Variants in CPE observed in about 807,000 individuals in gnomAD.
CPE encodes the protein carboxypeptidase E.
Under a neutral mutation model 53.5 loss-of-function variants are expected in CPE, and 17 were observed. The ratio of observed to expected loss-of-function variants is 0.32; its 90% CI spans 0.22 to 0.48. The LOEUF (loss-of-function observed/expected upper bound fraction) is 0.48. Ranked by LOEUF, CPE falls within the 20% of genes least tolerant of loss-of-function variation. The pLI is 0.99. For missense variants in CPE, 524 were observed against 614.7 expected (o/e 0.85, Z 1.56); for synonymous variants, 226 against 228.8 (o/e 0.99, Z 0.11).
intron 1 of CPE, among the ~76,000 whole-genome samples, chr4:165,383,933 G>A (rs969179452): frequency 1.3e-5 from 2 of 152,212 alleles, no homozygotes; most frequent in Non-Finnish European, 2.9e-5. Context: ...CAGAAGTGAT[G>A]TTCTTGATTG....
chr4:165,434,847 G>A (rs917539555), intron 1 of CPE, among the ~76,000 whole-genome samples: 4 of 152,006 alleles, frequency 2.6e-5, no homozygotes, highest in African/African-American at 9.7e-5. Flanking sequence ...CCTAATGGGA[G>A]GTGTTTATGT....
intron 4 of CPE, among the ~76,000 whole-genome samples, chr4:165,483,844 T>C (rs1287615053): frequency 2.0e-5 from 3 of 152,240 alleles, no homozygotes; most frequent in Non-Finnish European, 4.4e-5. Flanking sequence ...TATTGGAAAC[T>C]GAGTGTTGAA....
At chr4:165,479,744 C>G (rs1370738153) in intron 3 of CPE, among the ~76,000 whole-genome samples, 1 of 151,942 alleles carries the variant, frequency 6.6e-6, no homozygotes, top group Non-Finnish European at 1.5e-5. Context: ...TTTCTCCCAG[C>G]ACTTTGGGAG....
intron 1 of CPE, among the ~76,000 whole-genome samples, chr4:165,401,910 C>T (rs771304560): frequency 1.2e-4 from 18 of 151,734 alleles, no homozygotes; most frequent in Admixed American, 3.3e-4. Flanking sequence ...AAGTAGGGGT[C>T]GGGAGGCTGG....
At chr4:165,442,011 G>A (rs1731618653) in intron 1 of CPE, among the ~76,000 whole-genome samples, 1 of 146,788 alleles carries the variant, frequency 6.8e-6, no homozygotes, top group Non-Finnish European at 1.5e-5. Context: ...CCTACAGCAA[G>A]ACGGTGAGTT....
chr4:165,401,313 T>C lies in CPE; in HGVS notation c.307+21785T>C, dbSNP rs867418394. On this transcript the variant is annotated intron_variant, in intron 1 of 8. Transcript: ENST00000402744. ...TAACTAGAAGCCGGTGAAGGAAAAA[T>C]ATAACCCTTGTTTCTCCCCAGTGAG... Among the ~76,000 whole-genome samples the C allele has an allele frequency of 2.0e-5, 3 of 152,172 alleles. No individual in the cohort carries two copies. The South Asian group carries it at 6.2e-4, about 32-fold the overall frequency.
chr4:165,430,197 C>T (rs1731385682), intron 1 of CPE, among the ~76,000 whole-genome samples: 1 of 152,064 alleles, frequency 6.6e-6, no homozygotes, highest in Non-Finnish European at 1.5e-5. Context: ...TTGTAAGTAA[C>T]CATACGTAGC....
chr4:165,379,651 T>C lies in CPE; in HGVS notation c.307+123T>C, dbSNP rs1014215384. On this transcript the variant is annotated intron_variant, in intron 1 of 8. Coordinates refer to ENST00000402744, the MANE Select transcript of CPE (RefSeq NM_001873.4). This position sits in a 1 kb window ranked among gnomAD's most constrained non-coding sequence, Gnocchi z 6.0. ...CAGGGGTGCCTCTTGGTAAAAGGTA[T>C]CTAAGGTGGAAGGTGGGAAGTGGAG... The C allele has an allele frequency of 2.0e-6, 2 of 983,728 alleles. No homozygotes were observed. The highest frequency in any genetic ancestry group is 3.3e-5 in the African/African-American group (2 of 60,072). 60.9% of individuals were successfully genotyped at this position (983,728 alleles called of 1,614,324 possible).
intron 3 of CPE, among the ~76,000 whole-genome samples, chr4:165,469,401 C>T: frequency 6.6e-6 from 1 of 152,252 alleles, no homozygotes; most frequent in South Asian, 2.1e-4. Flanking sequence ...AGCTCTTGGC[C>T]CCTGGAAGCT....
chr4:165,484,653 A>G (rs748677998), intron 5 of CPE, 49 bp downstream of exon 5: 1 of 1,535,582 alleles, frequency 6.5e-7, no homozygotes, highest in East Asian at 2.3e-5. Flanking sequence ...CTTATTTACA[A>G]TGACCATTTA....
At chr4:165,383,745 T>C (rs562072607) in intron 1 of CPE, among the ~76,000 whole-genome samples, 33 of 152,344 alleles carry the variant, frequency 2.2e-4, no homozygotes, top group Non-Finnish European at 4.3e-4. Flanking sequence ...GTGGGGATTT[T>C]TATTATTTGT....
At chr4:165,396,935 C>T (rs1172858603) in intron 1 of CPE, among the ~76,000 whole-genome samples, 1 of 151,702 alleles carries the variant, frequency 6.6e-6, no homozygotes, top group Non-Finnish European at 1.5e-5. Context: ...GTGGTATGCT[C>T]CTGTAGTCCC....
chr4:165,429,156 CTCAGCTGGA>C (rs1731368606), intron 1 of CPE, among the ~76,000 whole-genome samples: 1 of 152,098 alleles, frequency 6.6e-6, no homozygotes, highest in Admixed American at 6.5e-5. Flanking sequence ...TTGGGTTGGG[CTCAGCTGGA>C]AAGTTCTTCA....
intron 1 of CPE, among the ~76,000 whole-genome samples, chr4:165,461,627 T>C (rs1395713745): frequency 6.6e-6 from 1 of 152,194 alleles, no homozygotes; most frequent in Non-Finnish European, 1.5e-5. Context: ...CCAACATTCC[T>C]TCACCGTTGC....
At chr4:165,397,741 T>G (rs2126659178) in intron 1 of CPE, among the ~76,000 whole-genome samples, 1 of 152,204 alleles carries the variant, frequency 6.6e-6, no homozygotes. Flanking sequence ...AATGGAGCTG[T>G]ATTAAAAACA....
chr4:165,493,257 C>G lies in CPE; in HGVS notation c.1200C>G (p.His400Gln). 6.2e-7 allele frequency: 1 copy of G among 1,613,458 alleles called. No homozygotes were observed. Among genetic ancestry groups the G allele is most frequent in the Non-Finnish European group, 8.5e-7 (1 of 1,179,460 alleles). The part of the protein sequence containing the change: ...NATISVEGID[H>Q]DVTSAKDGDY... ...CCATCTCCGTGGAAGGAATAGACCACGATGTTACATCCGGTGGGTCTTTGC... is the reference window on the plus strand; with the variant it reads ...CCATCTCCGTGGAAGGAATAGACCAGGATGTTACATCCGGTGGGTCTTTGC... Residue 400 changes from histidine to glutamine, a missense_variant, in exon 7 of 9, where the codon CAC (histidine) becomes CAG (glutamine). His to Gln is a conservative substitution (Grantham distance 24, BLOSUM62 0). Coordinates refer to ENST00000402744, the MANE Select transcript of CPE (RefSeq NM_001873.4).
intron 1 of CPE, chr4:165,403,970 C>T (rs1457034036): frequency 6.7e-5 from 42 of 627,818 alleles, no homozygotes; most frequent in Admixed American, 1.9e-4. Flanking sequence ...TCTTCCTTCT[C>T]GTTACTCTGA....
At chr4:165,467,970 TA>T in intron 3 of CPE, 115 bp downstream of exon 3, 1 of 1,177,530 alleles carries the variant, frequency 8.5e-7, no homozygotes, top group Non-Finnish European at 1.2e-6. Context: ...ATGGGGTGGT[TA>T]ACTGTGGCTT....
intron 1 of CPE, among the ~76,000 whole-genome samples, chr4:165,430,940 G>A (rs1441646391): frequency 1.3e-5 from 2 of 152,206 alleles, no homozygotes; most frequent in Admixed American, 6.5e-5. Context: ...GAGAAGCTCT[G>A]ACCTCGGTGG....
Sources: allele counts gnomAD v4.1 joint callset (sites outside exome capture counted in the v4.1 genomes callset), GRCh38; gene constraint gnomAD v4.1.1; non-coding constraint Gnocchi (gnomAD v3.1); transcripts MANE v1.5; gene names NCBI Gene and HGNC (gene_info 2026-07-23, HGNC 2026-07-21).